Variants in YIPF7 observed in about 807,000 individuals in gnomAD.
YIPF7 encodes the protein Yip1 domain family member 7.
In YIPF7, 35 loss-of-function variants were observed where a neutral mutation model predicts 27.2. The ratio of observed to expected loss-of-function variants is 1.29; its 90% CI spans 0.98 to 1.70. The LOEUF (loss-of-function observed/expected upper bound fraction) is 1.70. YIPF7 is among the 40% of genes most tolerant of loss of function. The pLI, the probability that YIPF7 is intolerant of heterozygous loss-of-function variation, is 0.00. For missense variants in YIPF7, 358 were observed against 303.7 expected, an observed-to-expected ratio of 1.18 and a Z score of -1.33; for synonymous variants, 137 against 110.4, an observed-to-expected ratio of 1.24 and a Z score of -1.51.
upstream of YIPF7, among the ~76,000 whole-genome samples, chr4:44,652,481 G>A (rs942613055): frequency 2.6e-5 from 4 of 152,194 alleles, no homozygotes; most frequent in Non-Finnish European, 5.9e-5. Flanking sequence ...TCTGTCCAAA[G>A]GCAGATAATT....
In YIPF7 at chr4:44,622,419, A is replaced by G; in HGVS notation, c.766T>C (p.Phe256Leu). The stretch of plus-strand genomic sequence containing the variant: ...AATGCCATCTCAAACATTCTTTAGA[A>G]AATTGTTAGGAGGGCAAAAAGTCCA... ...LYGLFALLTI[F>L] The change falls in exon 6 of 6, where the codon TTC becomes CTC. Residue 256 changes from phenylalanine (F) to leucine (L), a missense_variant. Coordinates refer to ENST00000415895, the MANE Select transcript of YIPF7 (RefSeq NM_182592.3). 6.2e-7 allele frequency: 1 copy of G among 1,611,076 alleles called. No homozygotes were observed. The highest frequency in any genetic ancestry group is 8.5e-7 in the Non-Finnish European group (1 of 1,178,768).
intron 4 of YIPF7, 85 bp from the exon 5 acceptor site, chr4:44,624,867 A>C (rs1712576189): frequency 1.5e-6 from 2 of 1,320,252 alleles, no homozygotes; most frequent in Non-Finnish European, 2.1e-6. Context: ...AGAGCATCTT[A>C]GAGTCAGTTC....
intron 2 of YIPF7, among the ~76,000 whole-genome samples, chr4:44,642,068 G>T (rs1009600582): frequency 2.0e-5 from 3 of 152,138 alleles, no homozygotes; most frequent in Non-Finnish European, 4.4e-5. Context: ...GTAAGACTAT[G>T]TCATTGCCAT....
chr4:44,660,717 GGAATT>G (rs3040320), intron 1 of YIPF7: 82,448 of 151,552 alleles, frequency 0.54, 23,349 homozygotes, highest in Non-Finnish European at 0.64. Context: ...TTTGGTGAAT[GGAATT>G]GGTTTTTGAA....
chr4:44,662,108 A>G (rs1200092796), intron 1 of YIPF7, among the ~76,000 whole-genome samples: 1 of 152,206 alleles, frequency 6.6e-6, no homozygotes, highest in Non-Finnish European at 1.5e-5. Context: ...AGTACCCCTC[A>G]TCCTTATGGG....
At chr4:44,623,758 G>A (rs1712521990) in intron 5 of YIPF7, among the ~76,000 whole-genome samples, 1 of 151,956 alleles carries the variant, frequency 6.6e-6, no homozygotes. Context: ...CCTAAATTAA[G>A]GAAGAAAAAA....
intron 3 of YIPF7, among the ~76,000 whole-genome samples, chr4:44,631,521 C>A (rs1428479721): frequency 1.3e-5 from 2 of 152,016 alleles, no homozygotes; most frequent in South Asian, 2.1e-4. Context: ...AGAGGGTCAG[C>A]TAGACACTGG....
At chr4:44,629,328 A>G (rs1712790101) in intron 4 of YIPF7, 75 bp downstream of exon 4, 13 of 1,385,004 alleles carry the variant, frequency 9.4e-6, no homozygotes, top group Non-Finnish European at 1.2e-5. Flanking sequence ...TTTCTCTTAT[A>G]TTTATACAGA....
intron 2 of YIPF7, among the ~76,000 whole-genome samples, chr4:44,643,728 C>A (rs1363098610): frequency 2.0e-5 from 3 of 152,146 alleles, no homozygotes; most frequent in African/African-American, 7.2e-5. Flanking sequence ...CCAGCTCCAG[C>A]CTTGGGGCAA....
At chr4:44,634,872 A>G (rs914841965) in intron 3 of YIPF7, among the ~76,000 whole-genome samples, 1 of 152,228 alleles carries the variant, frequency 6.6e-6, no homozygotes, top group African/African-American at 2.4e-5. Flanking sequence ...TGTAACTTCT[A>G]GGTGTTTATT....
upstream of YIPF7, among the ~76,000 whole-genome samples, chr4:44,656,559 T>C (rs1225540871): frequency 6.6e-6 from 1 of 152,058 alleles, no homozygotes; most frequent in Non-Finnish European, 1.5e-5. Flanking sequence ...TTGAGTACGG[T>C]AGCTGGCAAG....
At chr4:44,622,800 G>GA (rs1181463688) in intron 5 of YIPF7, among the ~76,000 whole-genome samples, 1 of 152,034 alleles carries the variant, frequency 6.6e-6, no homozygotes, top group Non-Finnish European at 1.5e-5. Flanking sequence ...ACCTGAATTA[G>GA]AAAAAAACAG....
chr4:44,622,656 T>C, intron 5 of YIPF7, 80 bp from the exon 6 acceptor site: 3 of 1,500,720 alleles, frequency 2.0e-6, no homozygotes, highest in Non-Finnish European at 1.8e-6. Flanking sequence ...GAAATATCCT[T>C]GGCACAATAT....
chr4:44,627,007 C>T (rs1272575458), intron 4 of YIPF7, among the ~76,000 whole-genome samples: 1 of 151,450 alleles, frequency 6.6e-6, no homozygotes, highest in Non-Finnish European at 1.5e-5. Flanking sequence ...TGGTCTCGAT[C>T]TCCTGAGCTC....
At chr4:44,630,056 C>T (rs374586299) in intron 3 of YIPF7, among the ~76,000 whole-genome samples, 14 of 152,274 alleles carry the variant, frequency 9.2e-5, no homozygotes, top group African/African-American at 3.1e-4. Flanking sequence ...AGCTCCTCCG[C>T]CTCCTGGGTT....
chr4:44,625,472 C>G (rs896448920), intron 4 of YIPF7, among the ~76,000 whole-genome samples: 2 of 152,180 alleles, frequency 1.3e-5, no homozygotes, highest in Non-Finnish European at 2.9e-5. Context: ...ATATTTAACC[C>G]TATTTAATTT....
At chr4:44,637,029 A>G (rs189326503) in intron 2 of YIPF7, among the ~76,000 whole-genome samples, 387 of 152,224 alleles carry the variant, frequency 2.5e-3, no homozygotes, top group Non-Finnish European at 4.2e-3. Context: ...GGTTTGTTTC[A>G]CTTAAGATAG....
At chr4:44,648,743 T>C (rs1713616568) in intron 2 of YIPF7, among the ~76,000 whole-genome samples, 1 of 152,166 alleles carries the variant, frequency 6.6e-6, no homozygotes, top group African/African-American at 2.4e-5. Flanking sequence ...CTTTCCTACA[T>C]ATTATCATAA....
intron 4 of YIPF7, among the ~76,000 whole-genome samples, chr4:44,628,504 A>T (rs548693344): frequency 4.6e-5 from 7 of 152,232 alleles, no homozygotes; most frequent in African/African-American, 1.7e-4. Context: ...ATAATGTTTA[A>T]TTTCCCATAT....
Sources: allele counts gnomAD v4.1 joint callset (sites outside exome capture counted in the v4.1 genomes callset), GRCh38; gene constraint gnomAD v4.1.1; transcripts MANE v1.5; gene names NCBI Gene and HGNC (gene_info 2026-07-23, HGNC 2026-07-21).